Variants in CDH13 observed in about 807,000 individuals in gnomAD.
CDH13 encodes the protein cadherin-13.
A neutral mutation model predicts 63.8 loss-of-function variants in CDH13; 24 were observed. That is an observed-to-expected ratio of 0.38 (90% confidence interval 0.27 to 0.53). CDH13 has a LOEUF of 0.53. Among genes scored for constraint, CDH13 ranks in the 20% least tolerant of loss-of-function variants. The pLI is 0.85. For synonymous variants in CDH13, 503 were observed against 355.3 expected (o/e 1.42, Z -4.67); for missense variants, 1,049 against 903.1 (o/e 1.16, Z -2.07).
At chr16:82,848,730 G>A (rs1180149416) in intron 1 of CDH13, among the ~76,000 whole-genome samples, 1 of 152,068 alleles carries the variant, frequency 6.6e-6, no homozygotes, top group African/African-American at 2.4e-5. Flanking sequence ...CAGCAATATT[G>A]AAGTTAGGCC....
At chr16:82,932,408 G>C (rs2325692) in intron 2 of CDH13, among the ~76,000 whole-genome samples, 80,168 of 151,938 alleles carry the variant, frequency 0.53, 21,435 homozygotes, top group East Asian at 0.71. Context: ...GATTATTTTT[G>C]AAGAGTCATG....
chr16:83,085,293 A>C (rs1197763566), intron 3 of CDH13, among the ~76,000 whole-genome samples: 1 of 152,188 alleles, frequency 6.6e-6, no homozygotes, highest in Non-Finnish European at 1.5e-5. Flanking sequence ...TATCATGAGA[A>C]TAGCACAGGA....
chr16:82,721,157 A>G (rs1190814816), intron 1 of CDH13, among the ~76,000 whole-genome samples: 1 of 152,202 alleles, frequency 6.6e-6, no homozygotes, highest in Non-Finnish European at 1.5e-5. Flanking sequence ...TTGAGCACCT[A>G]CAGTGTTGCT....
At chr16:82,931,234 C>G (rs2042480081) in intron 2 of CDH13, among the ~76,000 whole-genome samples, 1 of 152,176 alleles carries the variant, frequency 6.6e-6, no homozygotes, top group Non-Finnish European at 1.5e-5. Context: ...CTACCCTGCA[C>G]AGAATTTTCT....
At chr16:83,271,500 TA>T (rs55782083) in intron 5 of CDH13, among the ~76,000 whole-genome samples, 73,784 of 135,138 alleles carry the variant, frequency 0.55, 20,249 homozygotes, top group East Asian at 0.65. Context: ...GGCTTTTATT[TA>T]AAAAAAAACA....
chr16:83,719,720 G>C (rs1361820893), intron 10 of CDH13, among the ~76,000 whole-genome samples: 2 of 152,102 alleles, frequency 1.3e-5, no homozygotes, highest in Non-Finnish European at 2.9e-5. Flanking sequence ...ACCATGTTCT[G>C]TGCCATGTCC....
intron 6 of CDH13, among the ~76,000 whole-genome samples, chr16:83,406,425 C>A (rs1448096718): frequency 5.2e-5 from 7 of 135,562 alleles, no homozygotes; most frequent in Admixed American, 3.7e-4. Flanking sequence ...TTTCCCCCCC[C>A]GCCTCTCTCT....
At chr16:83,045,919 GC>G (rs1421043490) in intron 3 of CDH13, among the ~76,000 whole-genome samples, 1 of 152,222 alleles carries the variant, frequency 6.6e-6, no homozygotes, top group African/African-American at 2.4e-5. Context: ...TTTGGCCCTA[GC>G]CAAATACATC....
chr16:82,647,231 G>A (rs74030910), intron 1 of CDH13, among the ~76,000 whole-genome samples: 4,965 of 152,210 alleles, frequency 0.033, 250 homozygotes, highest in African/African-American at 0.11. Flanking sequence ...GTAAACACTT[G>A]GTCCAGCAAA....
At chr16:83,700,425 T>C (rs1185745188) in intron 10 of CDH13, among the ~76,000 whole-genome samples, 1 of 152,234 alleles carries the variant, frequency 6.6e-6, no homozygotes, top group Non-Finnish European at 1.5e-5. Flanking sequence ...TTTCTCCCGA[T>C]TAAAAATAGC....
chr16:83,141,250 C>G (rs2036517154), intron 4 of CDH13, among the ~76,000 whole-genome samples: 1 of 152,144 alleles, frequency 6.6e-6, no homozygotes, highest in South Asian at 2.1e-4. Flanking sequence ...AAGATGGGAA[C>G]AGTCCTTAAT....
intron 3 of CDH13, among the ~76,000 whole-genome samples, chr16:83,094,080 T>C (rs188997144): frequency 2.8e-3 from 433 of 152,272 alleles, no homozygotes; most frequent in Middle Eastern, 0.01. Context: ...AATCTCAGGA[T>C]ATATTACTCA....
At chr16:83,291,220 A>G (rs906605337) in intron 5 of CDH13, among the ~76,000 whole-genome samples, 7 of 152,232 alleles carry the variant, frequency 4.6e-5, no homozygotes, top group Non-Finnish European at 7.3e-5. Context: ...CACTTAATAA[A>G]TCAGAAATCT....
intron 6 of CDH13, among the ~76,000 whole-genome samples, chr16:83,367,481 A>G (rs1023584818): frequency 5.3e-5 from 8 of 152,190 alleles, no homozygotes; most frequent in Admixed American, 5.2e-4. Flanking sequence ...CTGTGGATAT[A>G]TGTTTTCATC....
chr16:83,439,111 A>G (rs1426563482), intron 6 of CDH13, among the ~76,000 whole-genome samples: 1 of 152,222 alleles, frequency 6.6e-6, no homozygotes, highest in Non-Finnish European at 1.5e-5. Context: ...TTGGAAAGTT[A>G]CTTCTCCAGT....
At chr16:82,836,961 T>G (rs1300085075) in intron 1 of CDH13, among the ~76,000 whole-genome samples, 1 of 152,214 alleles carries the variant, frequency 6.6e-6, no homozygotes, top group Non-Finnish European at 1.5e-5. Flanking sequence ...TAGTCTTTCT[T>G]ATAACAAAGG....
intron 6 of CDH13, among the ~76,000 whole-genome samples, chr16:83,471,276 T>A (rs1488819399): frequency 5.0e-4 from 1 of 2,016 alleles, no homozygotes; most frequent in East Asian, 0.071. Context: ...CTAACCACCC[T>A]TTTTTTTTTT....
chr16:83,028,690 T>C (rs1041831866), intron 2 of CDH13, among the ~76,000 whole-genome samples: 1 of 152,174 alleles, frequency 6.6e-6, no homozygotes, highest in African/African-American at 2.4e-5. Context: ...CAATAACTAA[T>C]GATAAAATAG....
At chr16:82,646,893 G>A (rs1304506087) in intron 1 of CDH13, among the ~76,000 whole-genome samples, 3 of 152,190 alleles carry the variant, frequency 2.0e-5, no homozygotes, top group Non-Finnish European at 4.4e-5. Flanking sequence ...CGTTCAGGGG[G>A]TAATGAAGAG....
Sources: allele counts gnomAD v4.1 joint callset (sites outside exome capture counted in the v4.1 genomes callset), GRCh38; gene constraint gnomAD v4.1.1; transcripts MANE v1.5; gene names NCBI Gene and HGNC (gene_info 2026-07-23, HGNC 2026-07-21).